The following FBH1 variants were observed in gnomAD, a reference collection of about 807,000 sequenced individuals.
FBH1 encodes DNA 3'-5' helicase 1.
FBH1 carries 43 observed loss-of-function variants against 115.5 expected under a neutral mutation model. That is an observed-to-expected ratio of 0.37 (90% CI 0.29 to 0.48). The LOEUF (loss-of-function observed/expected upper bound fraction) is 0.48, where lower values mean the gene tolerates loss of function less well. FBH1 is among the 20% of genes least tolerant of loss of function. The pLI, the probability that FBH1 is intolerant of heterozygous loss-of-function variation, is 0.99. For missense variants in FBH1, 1,001 were observed against 1,337.3 expected, an observed-to-expected ratio of 0.75 and a Z score of 3.92; for synonymous variants, 524 against 507.8, an observed-to-expected ratio of 1.03 and a Z score of -0.43.
At chr10:5,904,311 G>A (rs1380668745) in intron 2 of FBH1, among the ~76,000 whole-genome samples, 2 of 152,158 alleles carry the variant, frequency 1.3e-5, no homozygotes, top group East Asian at 3.8e-4. Context: ...AGGATTACAG[G>A]TGCGAGCCAC....
chr10:5,903,548 C>T (rs1391635457), intron 2 of FBH1, among the ~76,000 whole-genome samples: 2 of 151,768 alleles, frequency 1.3e-5, no homozygotes, highest in African/African-American at 2.4e-5. Flanking sequence ...AGGCTGGTCT[C>T]GAACTCCTGA....
chr10:5,920,866 A>G (rs546676281), intron 13 of FBH1, among the ~76,000 whole-genome samples: 17 of 152,366 alleles, frequency 1.1e-4, no homozygotes, highest in Non-Finnish European at 2.4e-4. Flanking sequence ...GGCAGCACGG[A>G]CAATGTGCAG....
In FBH1 at chr10:5,923,434, C is replaced by G; in HGVS notation, c.2323-187C>G. Reference sequence around the variant, plus strand: ...AGGCCACGTGGCAGCCTTGCGCTTTCTGCTTCATGAAGTTTCCTGCTTGCC... The same window carrying G: ...AGGCCACGTGGCAGCCTTGCGCTTTGTGCTTCATGAAGTTTCCTGCTTGCC... On this transcript the variant is annotated intron_variant, in intron 15 of 20. Transcript: ENST00000362091. This position sits in a 1 kb window ranked among gnomAD's most constrained non-coding sequence, Gnocchi z 5.7. The G allele has an allele frequency of 1.8e-6, 1 of 561,484 alleles. No homozygotes were observed. The highest frequency in any genetic ancestry group is 3.2e-6 in the Non-Finnish European group (1 of 316,434). The allele number at this position is 561,484 out of a possible 1,614,324, so 34.8% of individuals were successfully genotyped here.
Position 5,892,682 on chromosome 10 carries a change from C to T in FBH1, c.1+2336C>T, listed in dbSNP as rs573963481. ...AGGACTTTCAGCCTCCCTCTCACTC[C>T]GGGGGAAAAAGTGATTAAAACACAA... On this transcript the variant is annotated intron_variant, in intron 1 of 20. Transcript: ENST00000362091. Among the ~76,000 whole-genome samples the T allele has an allele frequency of 6.6e-5, 10 of 152,278 alleles. No homozygotes were observed. In the South Asian group the frequency reaches 1.7e-3, roughly 25 times the overall value.
At chr10:5,907,472 G>GTTTTT (rs34817242) in intron 3 of FBH1, among the ~76,000 whole-genome samples, 2 of 111,198 alleles carry the variant, frequency 1.8e-5, no homozygotes, top group Non-Finnish European at 3.8e-5. Flanking sequence ...GTTGTTGTTG[G>GTTTTT]TTTTTTTTTT....
At position 5,924,056 on chromosome 10, in the gene FBH1, A is replaced by G. The variant is rs1319481321; in HGVS notation, c.2399-255A>G. The G allele has an allele frequency of 5.2e-6, 3 of 579,618 alleles. No individual in the cohort carries two copies. Among genetic ancestry groups the G allele is most frequent in the South Asian group, 2.1e-5 (1 of 47,284 alleles). The allele number at this position is 579,618 out of a possible 1,614,324, so 35.9% of individuals were successfully genotyped here. A position where few individuals can be genotyped will look rare whatever the true frequency, so the allele number is the denominator to read the frequency against. On this transcript the variant is annotated intron_variant, in intron 16 of 20. Transcript: ENST00000362091. This position sits in a 1 kb window ranked among gnomAD's most constrained non-coding sequence, Gnocchi z 6.2. ...CTTTTCTTTTCCTGTTGACTGCACT[A>G]TTTCAAATCCCTGTGAAGTAGGTGA...
At chr10:5,919,737 C>T (rs1189073081) in intron 13 of FBH1, among the ~76,000 whole-genome samples, 1 of 152,254 alleles carries the variant, frequency 6.6e-6, no homozygotes, top group Admixed American at 6.5e-5. Context: ...TTGAAAGTTC[C>T]GTAGACGCCT....
In FBH1 at chr10:5,895,501, AT is replaced by A. The variant is rs149344321; in HGVS notation, c.1+5158del. On this transcript the variant is annotated intron_variant, in intron 1 of 20. Coordinates refer to ENST00000362091, the MANE Select transcript of FBH1 (RefSeq NM_178150.3). This position sits in a 1 kb window ranked among gnomAD's most constrained non-coding sequence, Gnocchi z 5.0. ...TAAAGGTAGAGGAAGAAAGGAAATTATTTGGTATCCATTTCAAATGATCCTG... is the reference window on the plus strand; with the variant it reads ...TAAAGGTAGAGGAAGAAAGGAAATTATTGGTATCCATTTCAAATGATCCTG... 0.035 allele frequency among the ~76,000 whole-genome samples: 5,260 copies of A among 152,238 alleles called. 164 individuals carry two copies. Among genetic ancestry groups the A allele is most frequent in the East Asian group, 0.14 (702 of 5,180 alleles).
chr10:5,932,294 C>T lies in FBH1; in HGVS notation c.2830-4162C>T, dbSNP rs1036508608. 2.6e-5 allele frequency among the ~76,000 whole-genome samples: 4 copies of T among 152,194 alleles called. No individual in the cohort carries two copies. The highest frequency in any genetic ancestry group is 1.9e-4 in the East Asian group (1 of 5,202). On this transcript the variant is annotated intron_variant, in intron 19 of 20. Coordinates refer to ENST00000362091, the MANE Select transcript of FBH1 (RefSeq NM_178150.3). The surrounding 1 kb of genome is among the most constrained non-coding windows in gnomAD (Gnocchi z 5.9). ...TTCTTTATGCAAGTATTAGCAAATT[C>T]GTAGGTATTTTCATATTCTCCTTTT...
In FBH1 at chr10:5,916,252, G is replaced by A; in HGVS notation, c.1584G>A (p.Lys528=). 1 of 1,614,220 alleles carries A rather than the reference G, an allele frequency of 6.2e-7. No individual in the cohort carries two copies. The highest frequency in any genetic ancestry group is 8.5e-7 in the Non-Finnish European group (1 of 1,180,050). ...HIGRKYQSKK[K]LNLFKLTPFM... ...ATTGCAGGTACCAGTCAAAGAAGAA[G>A]TTGAATCTCTTCAAGTTAACACCCT... Residue 528 remains lysine (K), a synonymous_variant, in exon 10 of 21, where the codon AAG becomes AAA. Coordinates refer to ENST00000362091, the MANE Select transcript of FBH1 (RefSeq NM_178150.3).
chr10:5,916,608 G>A (rs1458603838), intron 10 of FBH1, 152 bp downstream of exon 10: 2 of 690,858 alleles, frequency 2.9e-6, no homozygotes, highest in East Asian at 3.2e-5. Flanking sequence ...TGGGGAAACG[G>A]GAAGTGTTAG....
rs7918162 is a variant in FBH1, at chr10:5,932,341, A to G, written c.2830-4115A>G. Among the ~76,000 whole-genome samples the G allele has an allele frequency of 0.033, 5,022 of 152,272 alleles. 147 individuals are homozygous for G. The highest frequency in any genetic ancestry group is 0.13 in the East Asian group (689 of 5,176). ...TTTTCCACAGAAGGTAGCATTTCAG[A>G]TACACTGTTGTGTACTTTGCTTTGT... On this transcript the variant is annotated intron_variant, in intron 19 of 20. Coordinates refer to ENST00000362091, the MANE Select transcript of FBH1 (RefSeq NM_178150.3). This position sits in a 1 kb window ranked among gnomAD's most constrained non-coding sequence, Gnocchi z 5.9.
In FBH1 at chr10:5,933,932, G is replaced by A. The variant is rs774371271; in HGVS notation, c.2830-2524G>A. 4.6e-5 allele frequency among the ~76,000 whole-genome samples: 7 copies of A among 152,282 alleles called. No individual in the cohort carries two copies. The highest frequency in any genetic ancestry group is 1.4e-4 in the African/African-American group (6 of 41,544). The stretch of plus-strand genomic sequence containing the variant: ...CTCCCAAAGTGTTGGGATTATAGGC[G>A]TGAGCCACCATGTCCAGCCTTTTTT... On this transcript the variant is annotated intron_variant, in intron 19 of 20. Coordinates refer to ENST00000362091, the MANE Select transcript of FBH1 (RefSeq NM_178150.3). The surrounding 1 kb of genome is among the most constrained non-coding windows in gnomAD (Gnocchi z 4.9).
Position 5,911,081 on chromosome 10 carries a change from C to T in FBH1, c.1164C>T (p.Ala388=), listed in dbSNP as rs768969142. The change falls in exon 6 of 21, where the codon GCC becomes GCT. Residue 388 remains alanine (A), a synonymous_variant. Coordinates refer to ENST00000362091, the MANE Select transcript of FBH1 (RefSeq NM_178150.3). This position sits in a 1 kb window ranked among gnomAD's most constrained non-coding sequence, Gnocchi z 5.4. ...PDVTETLYCI[A]VLLYAMREKG... ...TCACCGAGACCCTGTACTGCATAGC[C>T]GTGCTTCTCTACGCCATGAGGGAGA... 29 of 1,613,434 alleles carry T rather than the reference C, an allele frequency of 1.8e-5. No homozygotes were observed. Among genetic ancestry groups the T allele is most frequent in the Middle Eastern group, 1.6e-4 (1 of 6,080 alleles).
In FBH1 at chr10:5,901,684, C is replaced by T. The variant is rs554319504; in HGVS notation, c.2-1336C>T. On this transcript the variant is annotated intron_variant, in intron 1 of 20. Transcript: ENST00000362091. ...GGTTCAAGTGATTCTTGGGCCTCAG[C>T]CTCCTGAGTAGCTGGGGTTACAGGT... 1.5e-4 allele frequency among the ~76,000 whole-genome samples: 23 copies of T among 151,426 alleles called. No individual in the cohort carries two copies. The South Asian group carries it at 4.8e-3, about 32-fold the overall frequency.
At chr10:5,905,615 A>G (rs112309985) in intron 2 of FBH1, among the ~76,000 whole-genome samples, 9 of 152,376 alleles carry the variant, frequency 5.9e-5, no homozygotes, top group African/African-American at 1.9e-4. Context: ...GATGACCCCA[A>G]GCATGTGAAT....
intron 1 of FBH1, among the ~76,000 whole-genome samples, chr10:5,890,704 C>G (rs1441557035): frequency 1.3e-5 from 2 of 152,208 alleles, no homozygotes; most frequent in Non-Finnish European, 2.9e-5. Context: ...TTCCCGTCTA[C>G]TCTGACGTTT....
At position 5,909,118 on chromosome 10, in the gene FBH1, T is replaced by C; in HGVS notation, c.885-41T>C. ...AGTCTTCCTTGTACATCAGTGCTTA[T>C]GGTCACCCTACTCATGGCCTCTCCT... On this transcript the variant is annotated intron_variant, in intron 4 of 20. Coordinates refer to ENST00000362091, the MANE Select transcript of FBH1 (RefSeq NM_178150.3). The surrounding 1 kb of genome is among the most constrained non-coding windows in gnomAD (Gnocchi z 4.4). 1 of 1,613,528 alleles carries C rather than the reference T, an allele frequency of 6.2e-7. No homozygotes were observed.
In FBH1 at chr10:5,936,487, A is replaced by G. The variant is rs751467163; in HGVS notation, c.2861A>G (p.Asn954Ser). 1.9e-6 allele frequency: 3 copies of G among 1,614,046 alleles called. No individual in the cohort carries two copies. Among genetic ancestry groups the G allele is most frequent in the East Asian group, 4.5e-5 (2 of 44,870 alleles). Reference sequence around the variant, plus strand: ...TTCTTGCAAGCAGAGCTGACAAGCAACGTCTTAAAAACAGGCGTGGTGCGC... The same window carrying G: ...TTCTTGCAAGCAGAGCTGACAAGCAGCGTCTTAAAAACAGGCGTGGTGCGC... Reference protein sequence around the residue: ...EYFLQAELTSNVLKTGVVRCC... With the variant: ...EYFLQAELTSSVLKTGVVRCC... Residue 954 changes from asparagine (N) to serine (S), a missense_variant, in exon 20 of 21, where the codon AAC becomes AGC. Around this residue, in one of 4 missense-constraint regions of FBH1, gnomAD observed 521 missense variants for 811.0 expected, o/e 0.64. Transcript: ENST00000362091. This position sits in a 1 kb window ranked among gnomAD's most constrained non-coding sequence, Gnocchi z 5.6.
Sources: allele counts gnomAD v4.1 joint callset (sites outside exome capture counted in the v4.1 genomes callset), GRCh38; gene constraint gnomAD v4.1.1; regional missense constraint gnomAD v4.1.1; non-coding constraint Gnocchi (gnomAD v3.1); transcripts MANE v1.5; gene names NCBI Gene and HGNC (gene_info 2026-07-23, HGNC 2026-07-21).